The following NCOR2 variants were observed in gnomAD, a reference collection of about 807,000 sequenced individuals.
NCOR2 encodes CTG repeat protein 26.
NCOR2 carries 81 observed loss-of-function variants against 262.9 expected under a neutral mutation model. That is an observed-to-expected ratio of 0.31 (90% CI 0.26 to 0.37). The LOEUF (loss-of-function observed/expected upper bound fraction) is 0.37, where lower values mean the gene tolerates loss of function less well. Among genes scored for constraint, NCOR2 ranks in the 10% least tolerant of loss-of-function variants. NCOR2 has a pLI of 1.00. For synonymous variants in NCOR2, 1,659 were observed against 1,559.3 expected (o/e 1.06, Z -1.51); for missense variants, 3,385 against 3,621.4 (o/e 0.93, Z 1.68).
Position 124,336,932 on chromosome 12 carries a change from CG to C in NCOR2, c.5935del (p.Arg1979GlyfsTer3). 1 of 1,569,900 alleles carries C rather than the reference CG, an allele frequency of 6.4e-7. No homozygotes were observed. On this transcript the variant is annotated frameshift_variant, in exon 38 of 47. Transcript: ENST00000405201. LOFTEE classifies it high-confidence loss of function. ...GCCAGAGACAGGAGGCACTAGGGGC[CG>C]GGGCTCCGAGCCCTTGCTGGGGGAG...
intron 1 of NCOR2, among the ~76,000 whole-genome samples, chr12:124,557,731 C>A (rs1331628802): frequency 6.6e-6 from 1 of 150,872 alleles, no homozygotes; most frequent in Non-Finnish European, 1.5e-5. Flanking sequence ...CGTGGGTGGG[C>A]GGGATGGCAG....
At chr12:124,534,223 G>A (rs978891652) in intron 1 of NCOR2, among the ~76,000 whole-genome samples, 4 of 152,158 alleles carry the variant, frequency 2.6e-5, no homozygotes, top group African/African-American at 9.7e-5. Flanking sequence ...TTGGGAGGCC[G>A]AGGCAGGAGG....
At chr12:124,516,253 C>T (rs920364339) in intron 1 of NCOR2, among the ~76,000 whole-genome samples, 3 of 152,188 alleles carry the variant, frequency 2.0e-5, no homozygotes, top group African/African-American at 7.2e-5. Flanking sequence ...ACGGCTGCCA[C>T]CTTCTGCAGG....
Position 124,503,677 on chromosome 12 carries a change from T to TGGAC in NCOR2, c.-117-8310_-117-8309insGTCC. Among the ~76,000 whole-genome samples the TGGAC allele has an allele frequency of 8.5e-6, 1 of 118,046 alleles. No individual in the cohort carries two copies. The highest frequency in any genetic ancestry group is 4.7e-5 in the African/African-American group (1 of 21,206). 77.4% of individuals were successfully genotyped at this position (118,046 alleles called of 152,430 possible). A position where few individuals can be genotyped will look rare whatever the true frequency, so the allele number is the denominator to read the frequency against. On this transcript the variant is annotated intron_variant, in intron 1 of 46. Transcript: ENST00000404621. This position sits in a 1 kb window ranked among gnomAD's most constrained non-coding sequence, Gnocchi z 4.3. ...ATGGATGGATGGACGGGTGAATGGA[T>TGGAC]GGATGGATGGATGGATGGATGGATG...
chr12:124,449,420 C>T (rs2045385106), intron 7 of NCOR2, among the ~76,000 whole-genome samples: 1 of 152,194 alleles, frequency 6.6e-6, no homozygotes, highest in East Asian at 1.9e-4. Flanking sequence ...CCCAAAACAC[C>T]AGGCCCCCGC....
At chr12:124,553,675 A>T (rs1350136276) in intron 1 of NCOR2, among the ~76,000 whole-genome samples, 1 of 152,218 alleles carries the variant, frequency 6.6e-6, no homozygotes, top group Non-Finnish European at 1.5e-5. Context: ...AACAACAAAG[A>T]ACTTATCAAT....
At chr12:124,388,821 T>C (rs2041030842) in intron 16 of NCOR2, 2 of 1,289,664 alleles carry the variant, frequency 1.6e-6, no homozygotes, top group Admixed American at 2.3e-5. Flanking sequence ...GGTTGGCGTC[T>C]GCTGGCGGCT....
upstream of NCOR2, among the ~76,000 whole-genome samples, chr12:124,499,136 C>CA (rs947172629): frequency 6.6e-6 from 1 of 151,832 alleles, no homozygotes; most frequent in South Asian, 2.1e-4. Context: ...AAGTGAATGC[C>CA]AAAAAAAATG....
chr12:124,446,105 G>C (rs572287204), intron 7 of NCOR2, among the ~76,000 whole-genome samples: 15 of 152,308 alleles, frequency 9.8e-5, no homozygotes, highest in Non-Finnish European at 1.5e-5. Context: ...TAGCATGAGC[G>C]GTCACAAAAC....
chr12:124,335,537 G>A, exon 39 of NCOR2: 2 of 1,609,310 alleles, frequency 1.2e-6, no homozygotes, highest in Non-Finnish European at 1.7e-6. Flanking sequence ...AGCTCTTCCA[G>A]GTGCTTGGGG....
chr12:124,534,330 G>A (rs887260069), intron 1 of NCOR2, among the ~76,000 whole-genome samples: 1 of 152,014 alleles, frequency 6.6e-6, no homozygotes, highest in Non-Finnish European at 1.5e-5. Context: ...GGTGGCGCAC[G>A]CCTGTAATCC....
At position 124,397,261 on chromosome 12, in the gene NCOR2, TC is replaced by T. The variant is rs549148639; in HGVS notation, c.1876+857del. 2.4e-4 allele frequency among the ~76,000 whole-genome samples: 36 copies of T among 152,300 alleles called. 1 individual carries two copies. In the East Asian group the frequency reaches 6.0e-3, roughly 25 times the overall value. ...GGCACGGCCGAGGGAGGGAGGAGAT[TC>T]GCTCCCACTCAGCCCACCATGGGCC... On this transcript the variant is annotated intron_variant, in intron 16 of 46. Transcript: ENST00000405201.
At chr12:124,353,347 C>T (rs576085242) in intron 27 of NCOR2, among the ~76,000 whole-genome samples, 2 of 152,360 alleles carry the variant, frequency 1.3e-5, no homozygotes, top group South Asian at 2.1e-4. Flanking sequence ...CCTTCCCACT[C>T]AGCACAGCTG....
At chr12:124,357,930 C>G (rs1361602555) in intron 22 of NCOR2, among the ~76,000 whole-genome samples, 2 of 125,140 alleles carry the variant, frequency 1.6e-5, no homozygotes, top group African/African-American at 6.4e-5. Flanking sequence ...CACGTGCGTG[C>G]ATGTGTGTGT....
intron 3 of NCOR2, 95 bp from the exon 6 acceptor site, chr12:124,473,226 T>A: frequency 7.1e-7 from 1 of 1,410,536 alleles, no homozygotes; most frequent in South Asian, 1.2e-5. Context: ...CCTGATTGGA[T>A]TGAAGGAGGC....
intron 1 of NCOR2, among the ~76,000 whole-genome samples, chr12:124,563,251 T>C (rs1245495240): frequency 2.0e-5 from 3 of 152,132 alleles, no homozygotes; most frequent in Admixed American, 1.3e-4. Flanking sequence ...CACTCCGAGA[T>C]TGTCCTCTAA....
intron 12 of NCOR2, among the ~76,000 whole-genome samples, chr12:124,422,196 C>T (rs1165154619): frequency 1.3e-5 from 2 of 152,240 alleles, no homozygotes; most frequent in African/African-American, 4.8e-5. Flanking sequence ...TGGCAGGAGA[C>T]CCGTCGGGCA....
intron 22 of NCOR2, among the ~76,000 whole-genome samples, chr12:124,357,903 A>ATGTG (rs57170960): frequency 7.3e-6 from 1 of 136,776 alleles, no homozygotes; most frequent in African/African-American, 2.6e-5. Flanking sequence ...AACCTGTGAT[A>ATGTG]TGTGTGTGTG....
chr12:124,465,305 GA>G (rs2046364345), intron 5 of NCOR2, among the ~76,000 whole-genome samples: 5 of 152,100 alleles, frequency 3.3e-5, no homozygotes, highest in African/African-American at 1.2e-4. Context: ...AACATCCACA[GA>G]TCCTGAGTAC....
Sources: allele counts gnomAD v4.1 joint callset (sites outside exome capture counted in the v4.1 genomes callset), GRCh38; gene constraint gnomAD v4.1.1; non-coding constraint Gnocchi (gnomAD v3.1); transcripts MANE v1.5; gene names NCBI Gene and HGNC (gene_info 2026-07-23, HGNC 2026-07-21).